Variants in OR1L8 observed in about 807,000 individuals in gnomAD.
OR1L8 encodes the protein olfactory receptor family 1 subfamily L member 8, also known as olfactory receptor 1L8.
For missense variants in OR1L8, 330 were observed against 377.4 expected, an observed-to-expected ratio of 0.87 and a Z score of 1.04; for synonymous variants, 148 against 147.0, an observed-to-expected ratio of 1.01 and a Z score of -0.05.
intron 4 of OR1L8, among the ~76,000 whole-genome samples, chr9:122,568,971 T>C (rs1829489468): frequency 1.3e-5 from 2 of 150,182 alleles, no homozygotes; most frequent in African/African-American, 4.9e-5. Flanking sequence ...CTGGGGGTAT[T>C]TTAGATGGGG....
At position 122,567,238 on chromosome 9, in the gene OR1L8, AAGG is replaced by A. The variant is rs774212625; in HGVS notation, c.*307_*309del. On this transcript the variant is annotated 3_prime_UTR_variant, in exon 5 of 5. Transcript: ENST00000641027. ...AATTTTGGAGGATCTGCCTTAATAA[AAGG>A]AGAGAAATTTGTTTAGGAAATATTC... 1.8e-5 allele frequency: 4 copies of A among 228,370 alleles called. No homozygotes were observed. Among genetic ancestry groups the A allele is most frequent in the Non-Finnish European group, 2.5e-5 (3 of 117,758 alleles). The allele number at this position is 228,370 out of a possible 1,614,324, so 14.1% of individuals were successfully genotyped here. A position where few individuals can be genotyped will look rare whatever the true frequency, so the allele number is the denominator to read the frequency against.
At chr9:122,553,726 G>A in the OR1L8 span, 5 of 1,613,400 alleles carry the variant, frequency 3.1e-6, no homozygotes, top group Non-Finnish European at 2.5e-6. Flanking sequence ...GTGGCTTTCT[G>A]TGCCCAGAAA....
the OR1L8 span, among the ~76,000 whole-genome samples, chr9:122,560,640 T>A: frequency 6.6e-6 from 1 of 152,182 alleles, no homozygotes; most frequent in South Asian, 2.1e-4. Context: ...TCTTTAAGAA[T>A]GTTGAATATT....
chr9:122,567,802 C>T lies in OR1L8; in HGVS notation c.676G>A (p.Val226Ile). ...AFSYIRILTT[V>I]LKIPSTSGKR... Reference sequence around the variant, plus strand: ...CCAGAAGTAGAGGGAATCTTGAGAACTGTAGTGAGGATTCGTATATAAGAG... The same window carrying T: ...CCAGAAGTAGAGGGAATCTTGAGAATTGTAGTGAGGATTCGTATATAAGAG... The change falls in exon 5 of 5, where the codon GTT becomes ATT. Residue 226 changes from valine (V) to isoleucine (I), a missense_variant. By Grantham distance (29) the Val-to-Ile change is conservative. Coordinates refer to ENST00000641027, the MANE Select transcript of OR1L8 (RefSeq NM_001004454.2). The T allele has an allele frequency of 1.9e-6, 3 of 1,614,030 alleles. No individual in the cohort carries two copies. Among genetic ancestry groups the T allele is most frequent in the Non-Finnish European group, 2.5e-6 (3 of 1,179,952 alleles).
downstream of OR1L8, among the ~76,000 whole-genome samples, chr9:122,564,048 G>A (rs967201711): frequency 6.6e-6 from 1 of 152,134 alleles, no homozygotes; most frequent in Non-Finnish European, 1.5e-5. Context: ...GATGCCTCCT[G>A]TCATTTCCCA....
At chr9:122,551,589 G>C in the OR1L8 span, among the ~76,000 whole-genome samples, 1 of 152,150 alleles carries the variant, frequency 6.6e-6, no homozygotes, top group Admixed American at 6.5e-5. Context: ...CAGGTGACCT[G>C]CTAGTCAGGC....
the OR1L8 span, among the ~76,000 whole-genome samples, chr9:122,552,676 A>G: frequency 0.71 from 108,050 of 151,454 alleles, 39,378 homozygotes; most frequent in East Asian, 0.99. Flanking sequence ...TCAAATTCTC[A>G]GCACTGAAAG....
chr9:122,563,844 A>C (rs1928620), downstream of OR1L8, among the ~76,000 whole-genome samples: 88,375 of 152,016 alleles, frequency 0.58, 26,201 homozygotes, highest in East Asian at 0.97. Flanking sequence ...TTCAGTTTTT[A>C]TAACATCATA....
At position 122,568,591 on chromosome 9, in the gene OR1L8, CT is replaced by C; in HGVS notation, c.-115del. On this transcript the variant is annotated 5_prime_UTR_variant, in exon 5 of 5. Coordinates refer to ENST00000641027, the MANE Select transcript of OR1L8 (RefSeq NM_001004454.2). ...GTTTCTTCTGTTTGGTCACAATTAGCTACTGTGCTAATTGTGGGATGGCTTG... is the reference window on the plus strand; with the variant it reads ...GTTTCTTCTGTTTGGTCACAATTAGCACTGTGCTAATTGTGGGATGGCTTG... The C allele has an allele frequency of 9.0e-6, 6 of 663,772 alleles. No individual in the cohort carries two copies. Among genetic ancestry groups the C allele is most frequent in the Non-Finnish European group, 1.3e-5 (5 of 392,952 alleles). The allele number at this position is 663,772 out of a possible 1,614,324, so 41.1% of individuals were successfully genotyped here.
At chr9:122,577,557 T>C (rs1186601995) in intron 2 of OR1L8, among the ~76,000 whole-genome samples, 1 of 152,144 alleles carries the variant, frequency 6.6e-6, no homozygotes, top group Admixed American at 6.5e-5. Flanking sequence ...TTAATGAAAC[T>C]AGCAATAATG....
the OR1L8 span, among the ~76,000 whole-genome samples, chr9:122,555,553 C>T: frequency 6.6e-6 from 1 of 152,148 alleles, no homozygotes; most frequent in African/African-American, 2.4e-5. Flanking sequence ...AAGATCCCCA[C>T]CTTTGCCCTC....
chr9:122,571,103 C>T (rs556483775), intron 4 of OR1L8, among the ~76,000 whole-genome samples: 1 of 152,262 alleles, frequency 6.6e-6, no homozygotes, highest in South Asian at 2.1e-4. Flanking sequence ...TACCCTCTTG[C>T]CACACAAATA....
At chr9:122,577,773 T>C (rs374210394) in intron 2 of OR1L8, among the ~76,000 whole-genome samples, 1 of 152,330 alleles carries the variant, frequency 6.6e-6, no homozygotes, top group East Asian at 1.9e-4. Context: ...AAGGAAACAG[T>C]TGAAAGTGGT....
rs956272944 is a variant in OR1L8 at position 122,567,526 on chromosome 9, G to A, written c.*22C>T. 22 of 1,511,562 alleles carry A rather than the reference G, an allele frequency of 1.5e-5. No homozygotes were observed. The highest frequency in any genetic ancestry group is 2.3e-5 in the East Asian group (1 of 44,348). 93.6% of individuals were successfully genotyped at this position (1,511,562 alleles called of 1,614,324 possible). A position where few individuals can be genotyped will look rare whatever the true frequency, so the allele number is the denominator to read the frequency against. On this transcript the variant is annotated 3_prime_UTR_variant, in exon 5 of 5. Transcript: ENST00000641027. ...TCCAAGTTGAGCAGATTCCACTTACGAGTTTTTCAAGAGGGTGCTTCCTAG... is the reference window on the plus strand; with the variant it reads ...TCCAAGTTGAGCAGATTCCACTTACAAGTTTTTCAAGAGGGTGCTTCCTAG...
At position 122,578,045 on chromosome 9, in the gene OR1L8, A is replaced by T. The variant is rs1829687159; in HGVS notation, c.-478+279T>A. ...CTTTTACACTGCTGGTGAGAATGTA[A>T]ATTAGTACAACCACTATGGAAAACA... On this transcript the variant is annotated intron_variant, in intron 2 of 4. Coordinates refer to ENST00000641027, the MANE Select transcript of OR1L8 (RefSeq NM_001004454.2). Among the ~76,000 whole-genome samples, 3 of 152,348 alleles carry T rather than the reference A, an allele frequency of 2.0e-5. No individual in the cohort carries two copies. In the South Asian group the frequency reaches 6.2e-4, roughly 32 times the overall value.
the OR1L8 span, among the ~76,000 whole-genome samples, chr9:122,552,624 G>A: frequency 1.9e-3 from 295 of 152,148 alleles, 2 homozygotes; most frequent in African/African-American, 6.7e-3. Flanking sequence ...ATCCTTTGCC[G>A]CTAGTTAGGA....
the OR1L8 span, chr9:122,553,139 G>C: frequency 0.26 from 397,044 of 1,521,784 alleles, 56,481 homozygotes; most frequent in East Asian, 0.51. Flanking sequence ...ATGCATATCT[G>C]TAAATTGATC....
chr9:122,561,778 T>A, the OR1L8 span, among the ~76,000 whole-genome samples: 3 of 152,284 alleles, frequency 2.0e-5, no homozygotes, highest in East Asian at 5.8e-4. Context: ...CTGTATAAAA[T>A]GTCTGACAAC....
At chr9:122,575,156 T>C (rs1426447708) in intron 3 of OR1L8, among the ~76,000 whole-genome samples, 1 of 152,132 alleles carries the variant, frequency 6.6e-6, no homozygotes, top group African/African-American at 2.4e-5. Flanking sequence ...GTTTATAGTT[T>C]TCTTATAATG....
Sources: gnomAD v4.1 joint callset for allele counts (sites outside exome capture counted in the v4.1 genomes callset) on GRCh38, gnomAD v4.1.1 for gene constraint, MANE v1.5 for transcripts, NCBI Gene and HGNC (gene_info 2026-07-23, HGNC 2026-07-21) for gene names.